Variants in SLC9A7 observed in about 807,000 individuals in gnomAD.
SLC9A7 encodes the protein sodium/hydrogen exchanger 7.
Under a neutral mutation model 52.6 loss-of-function variants are expected in SLC9A7, and 19 were observed. That is an observed-to-expected ratio of 0.36 (90% CI 0.25 to 0.53). The LOEUF (loss-of-function observed/expected upper bound fraction) is 0.53, where lower values mean the gene tolerates loss of function less well. Ranked by LOEUF, SLC9A7 falls within the 20% of genes least tolerant of loss-of-function variation. The pLI is 0.91. For synonymous variants in SLC9A7, 226 were observed against 252.1 expected (o/e 0.90, Z 0.98); for missense variants, 455 against 597.9 (o/e 0.76, Z 2.49).
chrX:46,744,386 G>A (rs999765325), intron 1 of SLC9A7, among the ~76,000 whole-genome samples: 29 of 112,487 alleles, frequency 2.6e-4, no homozygotes, highest in African/African-American at 9.0e-4. Flanking sequence ...TGGATATTGG[G>A]AGGTAACTGG....
chrX:46,658,954 C>T (rs1251442931), intron 7 of SLC9A7, among the ~76,000 whole-genome samples: 2 of 111,465 alleles, frequency 1.8e-5, no homozygotes, highest in South Asian at 3.8e-4. Context: ...CCTTGATGAA[C>T]ATTGATGCAA....
At chrX:46,661,235 G>A (rs1442513891) in intron 7 of SLC9A7, among the ~76,000 whole-genome samples, 9 of 109,285 alleles carry the variant, frequency 8.2e-5, no homozygotes, top group African/African-American at 2.3e-4. Flanking sequence ...GGTGGGGGAA[G>A]GGGGGAGGGA....
chrX:46,724,143 T>G (rs1359064902), intron 1 of SLC9A7, among the ~76,000 whole-genome samples: 1 of 109,389 alleles, frequency 9.1e-6, no homozygotes, highest in African/African-American at 3.3e-5. Flanking sequence ...TAATTCCACT[T>G]TTTTTTTTTG....
intron 16 of SLC9A7, among the ~76,000 whole-genome samples, chrX:46,608,328 A>G (rs1157266768): frequency 8.9e-6 from 1 of 112,581 alleles, no homozygotes; most frequent in Non-Finnish European, 1.9e-5. Flanking sequence ...ATTTCTGTGC[A>G]CTCACTGGCA....
chrX:46,617,813 T>C (rs1942977777), intron 15 of SLC9A7, among the ~76,000 whole-genome samples: 2 of 111,796 alleles, frequency 1.8e-5, no homozygotes, highest in African/African-American at 6.5e-5. Context: ...GTCACTCTCC[T>C]GGTGGATACT....
chrX:46,748,364 AAAGGAAGG>A (rs57555325), intron 1 of SLC9A7, among the ~76,000 whole-genome samples: 1,490 of 51,243 alleles, frequency 0.029, 27 homozygotes, highest in Middle Eastern at 0.047. Flanking sequence ...AAAAAGAAAG[AAAGGAAGG>A]AAGGAAGGAA....
intron 3 of SLC9A7, among the ~76,000 whole-genome samples, chrX:46,673,892 C>T (rs866639823): frequency 1.8e-5 from 2 of 112,311 alleles, no homozygotes; most frequent in Admixed American, 9.5e-5. Flanking sequence ...TGACAGGCAC[C>T]GAATGAGGGT....
At chrX:46,610,038 AC>A (rs1315345375) in intron 16 of SLC9A7, among the ~76,000 whole-genome samples, 2 of 112,013 alleles carry the variant, frequency 1.8e-5, no homozygotes, top group Non-Finnish European at 3.8e-5. Context: ...AAAACAAACA[AC>A]CCATGGAGAG....
intron 1 of SLC9A7, among the ~76,000 whole-genome samples, chrX:46,739,062 A>G (rs765459852): frequency 8.9e-6 from 1 of 111,768 alleles, no homozygotes; most frequent in South Asian, 3.8e-4. Context: ...ATAATATATA[A>G]TAATTCAATA....
chrX:46,637,578 C>T (rs1354807646), intron 12 of SLC9A7, among the ~76,000 whole-genome samples: 1 of 111,081 alleles, frequency 9.0e-6, no homozygotes, highest in African/African-American at 3.3e-5. Context: ...CGTTCCACCG[C>T]CCCCCCAACC....
At chrX:46,705,484 C>T (rs1008904367) in intron 1 of SLC9A7, among the ~76,000 whole-genome samples, 3 of 112,099 alleles carry the variant, frequency 2.7e-5, no homozygotes, top group Admixed American at 9.4e-5. Flanking sequence ...TGGTGGCTCA[C>T]GCCTGTAATT....
At chrX:46,748,724 A>G (rs1448403239) in intron 1 of SLC9A7, among the ~76,000 whole-genome samples, 1 of 110,344 alleles carries the variant, frequency 9.1e-6, no homozygotes, top group Admixed American at 9.7e-5. Context: ...GAATTCACTT[A>G]TATGAATGAT....
intron 11 of SLC9A7, among the ~76,000 whole-genome samples, chrX:46,644,269 A>C (rs1943453244): frequency 8.9e-6 from 1 of 111,995 alleles, no homozygotes; most frequent in Non-Finnish European, 1.9e-5. Context: ...CCATCAGTTT[A>C]ATGTTTTGGA....
intron 1 of SLC9A7, among the ~76,000 whole-genome samples, chrX:46,735,642 T>C (rs1299875393): frequency 2.7e-5 from 3 of 112,225 alleles, no homozygotes; most frequent in Non-Finnish European, 5.6e-5. Context: ...GAATTTCCTT[T>C]AACGTTTCTT....
chrX:46,641,352 C>T (rs1450851234), intron 12 of SLC9A7, among the ~76,000 whole-genome samples: 1 of 110,931 alleles, frequency 9.0e-6, no homozygotes, highest in Non-Finnish European at 1.9e-5. Context: ...TATTTGGTCC[C>T]GTATATGTTT....
In SLC9A7 at chrX:46,644,730, G is replaced by A. The variant is rs1270099273; in HGVS notation, c.1463-1341C>T. The stretch of plus-strand genomic sequence containing the variant: ...GGGCAAGACTGTATAACATGCGAGA[G>A]AATGAAAACTTAGACCTACTATATC... On this transcript the variant is annotated intron_variant, in intron 11 of 16. Coordinates refer to ENST00000616978, the MANE Select transcript of SLC9A7 (RefSeq NM_001257291.2). 2.7e-5 allele frequency among the ~76,000 whole-genome samples: 3 copies of A among 111,404 alleles called. No individual in the cohort carries two copies. In the Admixed American group the frequency reaches 2.9e-4, roughly 11 times the overall value.
chrX:46,653,481 C>G (rs1943616978), intron 8 of SLC9A7, 128 bp downstream of exon 8: 3 of 435,638 alleles, frequency 6.9e-6, no homozygotes, highest in Non-Finnish European at 1.2e-5. Flanking sequence ...CAGCAATCCT[C>G]CATACGGACA....
intron 1 of SLC9A7, among the ~76,000 whole-genome samples, chrX:46,740,101 T>G (rs180793881): frequency 8.9e-6 from 1 of 112,094 alleles, no homozygotes; most frequent in African/African-American, 3.2e-5. Flanking sequence ...TACTTAACTG[T>G]ATAAACATAC....
At chrX:46,724,001 G>A (rs1008602668) in intron 1 of SLC9A7, among the ~76,000 whole-genome samples, 5 of 112,339 alleles carry the variant, frequency 4.5e-5, no homozygotes, top group African/African-American at 1.3e-4. Flanking sequence ...GCTGAGGCAG[G>A]AGAATTGCTT....
Sources: allele counts gnomAD v4.1 joint callset (sites outside exome capture counted in the v4.1 genomes callset), GRCh38; gene constraint gnomAD v4.1.1; transcripts MANE v1.5; gene names NCBI Gene and HGNC (gene_info 2026-07-23, HGNC 2026-07-21).